The following HTT variants were observed in gnomAD, a reference collection of about 807,000 sequenced individuals.
The protein encoded by HTT is huntingtin, also known as huntington disease protein.
In HTT, 104 loss-of-function variants were observed where a neutral mutation model predicts 362.3. The ratio of observed to expected loss-of-function variants is 0.29; its 90% CI spans 0.24 to 0.34. HTT has a LOEUF of 0.34. HTT is among the 10% of genes least tolerant of loss of function. The pLI is 1.00. For missense variants in HTT, 3,301 were observed against 3,928.6 expected (o/e 0.84, Z 4.27); for synonymous variants, 1,577 against 1,548.7 (o/e 1.02, Z -0.43).
chr4:3,212,081 C>A lies in HTT; in HGVS notation c.6567C>A (p.Val2189=), dbSNP rs747976060. ...TVQQLPAVHH[V]FQPELPAEPA... The stretch of plus-strand genomic sequence containing the variant: ...AGCAGCTCCCTGCTGTCCATCATGT[C>A]TTCCAGCCCGAGCTGCCTGCAGAGC... The change falls in exon 48 of 67, where the codon GTC becomes GTA. Residue 2189 remains valine, a synonymous_variant. Coordinates refer to ENST00000355072, the MANE Select transcript of HTT (RefSeq NM_001388492.1). The A allele has an allele frequency of 3.1e-6, 5 of 1,614,182 alleles. No homozygotes were observed. The highest frequency in any genetic ancestry group is 8.5e-7 in the Non-Finnish European group (1 of 1,180,002).
Position 3,138,173 on chromosome 4 carries a change from C to G in HTT, c.2798+1847C>G, listed in dbSNP as rs1265896884. ...CCCTTTCCCTTCCCCTTTTCCCTTC[C>G]CCTTCCCGCCTGCCTGCCTGCCTGC... On this transcript the variant is annotated intron_variant, in intron 21 of 66. Coordinates refer to ENST00000355072, the MANE Select transcript of HTT (RefSeq NM_001388492.1). Among the ~76,000 whole-genome samples the G allele has an allele frequency of 2.4e-5, 3 of 122,980 alleles. No homozygotes were observed. The East Asian group carries it at 5.9e-4, about 24-fold the overall frequency. The allele number at this position is 122,980 out of a possible 152,430, so 80.7% of individuals were successfully genotyped here. A position where few individuals can be genotyped will look rare whatever the true frequency, so the allele number is the denominator to read the frequency against.
chr4:3,074,907 CAG>C lies in HTT; in HGVS notation c.83_84del (p.Gln28ProfsTer54). 6.6e-7 allele frequency: 1 copy of C among 1,505,638 alleles called. No individual in the cohort carries two copies. Among genetic ancestry groups the C allele is most frequent in the Non-Finnish European group, 8.8e-7 (1 of 1,133,604 alleles). The allele number at this position is 1,505,638 out of a possible 1,614,324, so 93.3% of individuals were successfully genotyped here. A position where few individuals can be genotyped will look rare whatever the true frequency, so the allele number is the denominator to read the frequency against. Reference protein sequence around the residue: ...QQQQQQQQQQQQQQQQQQQQQ... With the variant: ...QQQQQQQQQQXQQQQQQQQQQ... ...GCAGCAGCAGCAGCAGCAGCAGCAG[CAG>C]CAGCAGCAGCAGCAGCAGCAGCAGC... On this transcript the variant is annotated frameshift_variant, in exon 1 of 67. Transcript: ENST00000355072. LOFTEE classifies it high-confidence loss of function.
chr4:3,111,621 G>A (rs561737818), intron 6 of HTT, among the ~76,000 whole-genome samples: 2 of 152,320 alleles, frequency 1.3e-5, no homozygotes, highest in East Asian at 1.9e-4. Flanking sequence ...GACTGGAAGG[G>A]AGGGGACTGA....
chr4:3,150,272 T>G (rs759114335), intron 26 of HTT, among the ~76,000 whole-genome samples: 1 of 152,232 alleles, frequency 6.6e-6, no homozygotes, highest in Non-Finnish European at 1.5e-5. Context: ...ATGCAGCTAG[T>G]GTGACTGAAG....
intron 45 of HTT, among the ~76,000 whole-genome samples, chr4:3,208,179 A>G (rs1719963265): frequency 6.6e-6 from 1 of 152,340 alleles, no homozygotes; most frequent in African/African-American, 2.4e-5. Context: ...ATGATTTTTC[A>G]GTCTGTAGGG....
intron 39 of HTT, 104 bp downstream of exon 39, chr4:3,187,990 C>A: frequency 1.5e-6 from 1 of 678,978 alleles, no homozygotes; most frequent in Non-Finnish European, 2.5e-6. Context: ...TGCTTCACTT[C>A]TGAGTTGGGT....
chr4:3,202,148 C>T (rs1274887773), intron 41 of HTT, among the ~76,000 whole-genome samples: 1 of 152,166 alleles, frequency 6.6e-6, no homozygotes, highest in Non-Finnish European at 1.5e-5. Context: ...CCTGCCTATA[C>T]TTTGGCGCTT....
chr4:3,092,196 G>A lies in HTT; in HGVS notation c.347+5174G>A, dbSNP rs191511768. 3.9e-3 allele frequency among the ~76,000 whole-genome samples: 591 copies of A among 152,008 alleles called. 1 individual carries two copies. Among genetic ancestry groups the A allele is most frequent in the Middle Eastern group, 6.8e-3 (2 of 294 alleles). On this transcript the variant is annotated intron_variant, in intron 2 of 66. Coordinates refer to ENST00000355072, the MANE Select transcript of HTT (RefSeq NM_001388492.1). ...CACCACCGCACCCGGCTAATTTTTT[G>A]TATTTTTAGTAGAGATGGGGTTTCA...
chr4:3,223,648 G>A (rs1273250725), intron 55 of HTT, 88 bp downstream of exon 55: 20 of 1,222,656 alleles, frequency 1.6e-5, no homozygotes, highest in Non-Finnish European at 2.2e-5. Flanking sequence ...GCTTCAACCA[G>A]GCCGTTTTCC....
Position 3,216,012 on chromosome 4 carries a change from A to G in HTT, c.7054+801A>G, listed in dbSNP as rs114963602. ...AGCCTGTCCACACATTTTACACAGC[A>G]CGCTTACCTGGAGCATCAGGCATCT... On this transcript the variant is annotated intron_variant, in intron 51 of 66. Coordinates refer to ENST00000355072, the MANE Select transcript of HTT (RefSeq NM_001388492.1). Among the ~76,000 whole-genome samples, 388 of 152,270 alleles carry G rather than the reference A, an allele frequency of 2.5e-3. 2 individuals carry two copies. Among genetic ancestry groups the G allele is most frequent in the Middle Eastern group, 6.8e-3 (2 of 294 alleles).
intron 1 of HTT, among the ~76,000 whole-genome samples, chr4:3,085,866 A>T (rs534894311): frequency 6.6e-6 from 1 of 152,230 alleles, no homozygotes; most frequent in Admixed American, 6.5e-5. Flanking sequence ...ATAGGTTTGG[A>T]TGGGAAGGAG....
chr4:3,089,982 G>T (rs1042161445), intron 2 of HTT, among the ~76,000 whole-genome samples: 1 of 152,114 alleles, frequency 6.6e-6, no homozygotes, highest in Non-Finnish European at 1.5e-5. Context: ...TGGTTTCATA[G>T]GATACACTCT....
At chr4:3,105,507 A>C (rs1714379792) in intron 5 of HTT, 71 bp downstream of exon 5, 4 of 1,044,116 alleles carry the variant, frequency 3.8e-6, no homozygotes, top group Middle Eastern at 4.0e-4. Flanking sequence ...GTCTCAGCTC[A>C]GATGTCATTT....
Position 3,148,221 on chromosome 4 carries a change from T to A in HTT, c.3498+14T>A. ...CCCGCAATAAAGGTAATGTCCCACT[T>A]GGGTGCTGGATTCATACAGCCTTAA... is the stretch of plus-strand genomic sequence containing the variant. On this transcript the variant is annotated intron_variant, in intron 26 of 66. Transcript: ENST00000355072. The A allele has an allele frequency of 6.5e-7, 1 of 1,542,806 alleles. No individual in the cohort carries two copies. The highest frequency in any genetic ancestry group is 8.8e-7 in the Non-Finnish European group (1 of 1,139,806).
At chr4:3,186,960 A>G (rs1001847063) in intron 38 of HTT, among the ~76,000 whole-genome samples, 2 of 146,400 alleles carry the variant, frequency 1.4e-5, no homozygotes, top group East Asian at 2.0e-4. Flanking sequence ...CCAGCTTCAC[A>G]CCATTCTCCT....
At chr4:3,121,583 T>C in intron 9 of HTT, 151 bp downstream of exon 9, 1 of 601,160 alleles carries the variant, frequency 1.7e-6, no homozygotes, top group African/African-American at 1.9e-5. Context: ...ATTTTATAAA[T>C]AGGGGAGTTG....
rs1174690138 is a variant in HTT, at chr4:3,229,986, A to C, written c.8209A>C (p.Ile2737Leu). The C allele has an allele frequency of 6.2e-7, 1 of 1,614,012 alleles. No homozygotes were observed. Among genetic ancestry groups the C allele is most frequent in the Non-Finnish European group, 8.5e-7 (1 of 1,179,942 alleles). ...AAGGGTGCACCCTTCAGAAGACGAG[A>C]TCCTCGCTCAGTACCTGGTGCCTGC... Reference protein sequence around the residue: ...LRRVHPSEDEILAQYLVPATC... With the variant: ...LRRVHPSEDELLAQYLVPATC... Residue 2737 changes from isoleucine to leucine, a missense_variant, in exon 60 of 67, where the codon ATC becomes CTC. Ile to Leu is a conservative substitution (Grantham distance 5). Around this residue, in one of 4 missense-constraint regions of HTT, gnomAD observed 753 missense variants for 1,021.3 expected, o/e 0.74. Transcript: ENST00000355072.
intron 46 of HTT, among the ~76,000 whole-genome samples, chr4:3,209,458 T>C (rs1397574693): frequency 6.6e-6 from 1 of 152,242 alleles, no homozygotes; most frequent in Non-Finnish European, 1.5e-5. Context: ...GGTTCAGTCC[T>C]GCCTTCTTAG....
chr4:3,095,441 A>G lies in HTT; in HGVS notation c.348-3833A>G, dbSNP rs369547915. 2.0e-5 allele frequency among the ~76,000 whole-genome samples: 3 copies of G among 152,306 alleles called. No individual in the cohort carries two copies. The East Asian group carries it at 5.8e-4, about 29-fold the overall frequency. On this transcript the variant is annotated intron_variant, in intron 2 of 66. Transcript: ENST00000355072. The stretch of plus-strand genomic sequence containing the variant: ...CTTGGCAGGCTGAGGCAGGAGAATC[A>G]GGTAGGGAGGTTGCAGTGAGTAGAG...
Sources: gnomAD v4.1 joint callset for allele counts (sites outside exome capture counted in the v4.1 genomes callset) on GRCh38, gnomAD v4.1.1 for gene constraint, gnomAD v4.1.1 regional missense constraint, MANE v1.5 for transcripts, NCBI Gene and HGNC (gene_info 2026-07-23, HGNC 2026-07-21) for gene names.